The following GPD2 variants were observed in gnomAD, a reference collection of about 807,000 sequenced individuals.
GPD2 encodes glycerol-3-phosphate dehydrogenase 2.
In GPD2, 54 loss-of-function variants were observed where a neutral mutation model predicts 82.4. The ratio of observed to expected loss-of-function variants is 0.66; its 90% CI spans 0.53 to 0.82. The LOEUF is 0.82. Among genes scored for constraint, GPD2 ranks in the 40% least tolerant of loss-of-function variants. The pLI is 0.00. For synonymous variants in GPD2, 288 were observed against 306.1 expected (o/e 0.94, Z 0.62); for missense variants, 748 against 896.2 (o/e 0.83, Z 2.11).
At chr2:156,557,908 T>A (rs1687022852) in intron 9 of GPD2, among the ~76,000 whole-genome samples, 1 of 152,248 alleles carries the variant, frequency 6.6e-6, no homozygotes, top group Non-Finnish European at 1.5e-5. Flanking sequence ...TTTCTGCAGC[T>A]TAGGAATGTC....
chr2:156,401,151 T>G, the GPD2 span, among the ~76,000 whole-genome samples: 4 of 152,328 alleles, frequency 2.6e-5, no homozygotes, highest in South Asian at 4.1e-4. Flanking sequence ...AAAACTTGCA[T>G]TGGCCGGGAA....
chr2:156,582,683 G>A, intron 16 of GPD2, 110 bp from the exon 17 acceptor site: 1 of 1,178,400 alleles, frequency 8.5e-7, no homozygotes, highest in Non-Finnish European at 1.3e-6. Context: ...TAAGGTTTTT[G>A]ATGGAGCACT....
In GPD2 at chr2:156,550,520, T is replaced by A. The variant is rs576330048; in HGVS notation, c.827-82T>A. Reference sequence around the variant, plus strand: ...GCAGTATACTTCACCATGGGTTAAGTTAATAGATGAATTAGTAATACACAG... The same window carrying A: ...GCAGTATACTTCACCATGGGTTAAGATAATAGATGAATTAGTAATACACAG... On this transcript the variant is annotated intron_variant, in intron 7 of 16. Coordinates refer to ENST00000438166, the MANE Select transcript of GPD2 (RefSeq NM_000408.5). 1.3e-5 allele frequency: 18 copies of A among 1,388,770 alleles called. No homozygotes were observed. The East Asian group carries it at 4.1e-4, about 32-fold the overall frequency. The allele number at this position is 1,388,770 out of a possible 1,614,324, so 86.0% of individuals were successfully genotyped here.
chr2:156,478,708 G>T (rs536097224), intron 2 of GPD2, among the ~76,000 whole-genome samples: 1 of 152,152 alleles, frequency 6.6e-6, no homozygotes, highest in South Asian at 2.1e-4. Context: ...TACATTAATT[G>T]GCTACACTTT....
the GPD2 span, among the ~76,000 whole-genome samples, chr2:156,402,173 C>T: frequency 1.3e-5 from 2 of 152,164 alleles, no homozygotes; most frequent in African/African-American, 2.4e-5. Flanking sequence ...TAGCACTGCC[C>T]GTTCAGCCTA....
At chr2:156,424,686 T>G in the GPD2 span, among the ~76,000 whole-genome samples, 2 of 152,240 alleles carry the variant, frequency 1.3e-5, no homozygotes, top group Non-Finnish European at 2.9e-5. Flanking sequence ...TTATTGCCTT[T>G]TTAAGGTTTG....
At chr2:156,470,189 TC>T (rs1683281327) in intron 1 of GPD2, among the ~76,000 whole-genome samples, 1 of 151,986 alleles carries the variant, frequency 6.6e-6, no homozygotes, top group Admixed American at 6.5e-5. Flanking sequence ...GGAATCTTTT[TC>T]TTTTTCTTTT....
chr2:156,509,082 G>T (rs1397136404), intron 3 of GPD2, among the ~76,000 whole-genome samples: 4 of 152,068 alleles, frequency 2.6e-5, no homozygotes, highest in Non-Finnish European at 1.5e-5. Flanking sequence ...TACTAAATTC[G>T]CTAGGCATTG....
At chr2:156,417,510 T>A in the GPD2 span, among the ~76,000 whole-genome samples, 1 of 152,198 alleles carries the variant, frequency 6.6e-6, no homozygotes, top group Non-Finnish European at 1.5e-5. Context: ...ATTTATTCCT[T>A]AATTTACCAC....
chr2:156,545,757 A>G (rs1686505475), intron 6 of GPD2, among the ~76,000 whole-genome samples: 1 of 152,196 alleles, frequency 6.6e-6, no homozygotes, highest in South Asian at 2.1e-4. Flanking sequence ...CTCATTCTTC[A>G]TACTCTATAC....
chr2:156,542,637 A>G (rs1189316436), intron 6 of GPD2, among the ~76,000 whole-genome samples: 2 of 152,218 alleles, frequency 1.3e-5, no homozygotes, highest in Non-Finnish European at 2.9e-5. Context: ...TTGAGGTTGT[A>G]TTAATACCAT....
chr2:156,441,527 C>T (rs1682176742), intron 1 of GPD2, among the ~76,000 whole-genome samples: 1 of 151,928 alleles, frequency 6.6e-6, no homozygotes, highest in East Asian at 1.9e-4. Flanking sequence ...CCACTACGCT[C>T]CAGCCTGAGT....
At chr2:156,418,232 A>G in the GPD2 span, among the ~76,000 whole-genome samples, 3 of 151,788 alleles carry the variant, frequency 2.0e-5, no homozygotes, top group African/African-American at 7.3e-5. Flanking sequence ...AGAAAAAAAA[A>G]AACCCACAAA....
chr2:156,565,576 G>GTTAA (rs2105357616), intron 9 of GPD2, among the ~76,000 whole-genome samples: 1 of 152,252 alleles, frequency 6.6e-6, no homozygotes, highest in East Asian at 1.9e-4. Flanking sequence ...TTCCTCGCCA[G>GTTAA]TTAATTATGT....
At chr2:156,497,938 CT>C (rs1553469871) in intron 3 of GPD2, among the ~76,000 whole-genome samples, 1 of 152,124 alleles carries the variant, frequency 6.6e-6, no homozygotes, top group Non-Finnish European at 1.5e-5. Flanking sequence ...TTGAATTCAG[CT>C]TTTTTCCCCT....
chr2:156,454,902 T>G (rs1257225332), intron 1 of GPD2, among the ~76,000 whole-genome samples: 1 of 152,156 alleles, frequency 6.6e-6, no homozygotes, highest in African/African-American at 2.4e-5. Context: ...GGTCATCTCC[T>G]GAAGACGTAG....
chr2:156,569,060 C>T, intron 10 of GPD2, 101 bp downstream of exon 10: 2 of 969,950 alleles, frequency 2.1e-6, no homozygotes, highest in Non-Finnish European at 1.6e-6. Context: ...AACTCCTGGA[C>T]TAAGGTGATT....
intron 1 of GPD2, among the ~76,000 whole-genome samples, chr2:156,442,674 G>A (rs1171527292): frequency 6.6e-6 from 1 of 152,014 alleles, no homozygotes; most frequent in African/African-American, 2.4e-5. Context: ...TGCGTCTGGT[G>A]GTGCGTGTCT....
intron 1 of GPD2, among the ~76,000 whole-genome samples, chr2:156,444,547 T>C (rs1682288472): frequency 6.6e-6 from 1 of 152,082 alleles, no homozygotes; most frequent in Non-Finnish European, 1.5e-5. Context: ...ACCCTGTCTC[T>C]ACTAAAAATA....
Sources: gnomAD v4.1 joint callset for allele counts (sites outside exome capture counted in the v4.1 genomes callset) on GRCh38, gnomAD v4.1.1 for gene constraint, MANE v1.5 for transcripts, NCBI Gene and HGNC (gene_info 2026-07-23, HGNC 2026-07-21) for gene names.